Variants in SAMSN1 observed in about 807,000 individuals in gnomAD.
SAMSN1 encodes SAM domain, SH3 domain and nuclear localization signals 1.
In SAMSN1, 31 loss-of-function variants were observed where a neutral mutation model predicts 42.0. That is an observed-to-expected ratio of 0.74 (90% CI 0.55 to 1.00). SAMSN1 has a LOEUF of 1.00. Among genes scored for constraint, SAMSN1 ranks in the 50% least tolerant of loss-of-function variants. SAMSN1 has a pLI of 0.00. For missense variants in SAMSN1, 464 were observed against 439.4 expected (o/e 1.06, Z -0.50); for synonymous variants, 178 against 151.9 (o/e 1.17, Z -1.26).
intron 2 of SAMSN1, among the ~76,000 whole-genome samples, chr21:14,579,101 CA>C (rs772757525): frequency 9.9e-5 from 15 of 152,094 alleles, no homozygotes; most frequent in Admixed American, 4.6e-4. Flanking sequence ...GTGTAGAATA[CA>C]AAAATAATAA....
chr21:14,559,722 T>G (rs1216767330), intron 2 of SAMSN1, among the ~76,000 whole-genome samples: 2 of 151,936 alleles, frequency 1.3e-5, no homozygotes, highest in African/African-American at 4.8e-5. Flanking sequence ...CCCAGACTGG[T>G]CTTGAACTCC....
chr21:14,485,850 G>T lies in SAMSN1; in HGVS notation c.*62C>A. The T allele has an allele frequency of 7.9e-7, 1 of 1,271,596 alleles. No homozygotes were observed. 78.8% of individuals were successfully genotyped at this position (1,271,596 alleles called of 1,614,324 possible). A position where few individuals can be genotyped will look rare whatever the true frequency, so the allele number is the denominator to read the frequency against. On this transcript the variant is annotated 3_prime_UTR_variant, in exon 8 of 8. Transcript: ENST00000400566. ...ATCTTATCTTCCTCTCCTATTTGAC[G>T]TTTTAGCTCAAGAAGAGTTAAAATG...
intron 5 of SAMSN1, among the ~76,000 whole-genome samples, chr21:14,603,792 C>A (rs1422218008): frequency 6.6e-6 from 1 of 152,114 alleles, no homozygotes; most frequent in African/African-American, 2.4e-5. Context: ...ATCAAGAAGG[C>A]AATGGGAATT....
chr21:14,640,905 T>G (rs1983579021), intron 2 of SAMSN1, among the ~76,000 whole-genome samples: 1 of 152,266 alleles, frequency 6.6e-6, no homozygotes, highest in African/African-American at 2.4e-5. Context: ...ATTTAAATCA[T>G]GTTTTTATCA....
intron 6 of SAMSN1, among the ~76,000 whole-genome samples, chr21:14,595,434 A>G (rs1035357536): frequency 2.0e-5 from 3 of 152,084 alleles, no homozygotes; most frequent in African/African-American, 7.2e-5. Context: ...TGTTTTTACA[A>G]ATTACCCAGC....
chr21:14,567,370 G>C (rs1254172031), intron 2 of SAMSN1, among the ~76,000 whole-genome samples: 1 of 149,188 alleles, frequency 6.7e-6, no homozygotes. Flanking sequence ...ATCAAAAAAA[G>C]ATTATGTTAA....
intron 3 of SAMSN1, among the ~76,000 whole-genome samples, chr21:14,512,987 C>T (rs1430631504): frequency 2.0e-5 from 3 of 152,178 alleles, no homozygotes; most frequent in Non-Finnish European, 4.4e-5. Context: ...TTAAACTCTG[C>T]ATAGTTGTTT....
At chr21:14,581,198 GTAGCTAAAAGCAGGAGCTC>G (rs1358799192) in intron 2 of SAMSN1, among the ~76,000 whole-genome samples, 4 of 151,868 alleles carry the variant, frequency 2.6e-5, no homozygotes, top group African/African-American at 9.7e-5. Flanking sequence ...CTCTAATGTA[GTAGCTAAAAGCAGGAGCTC>G]TAGCTAAAAG....
intron 2 of SAMSN1, among the ~76,000 whole-genome samples, chr21:14,634,018 TA>T (rs1983399737): frequency 6.6e-6 from 1 of 152,172 alleles, no homozygotes; most frequent in Non-Finnish European, 1.5e-5. Context: ...AGTAAGTGTA[TA>T]AAAAATTAAA....
intron 2 of SAMSN1, among the ~76,000 whole-genome samples, chr21:14,520,020 T>C (rs1978349402): frequency 1.3e-5 from 2 of 152,238 alleles, no homozygotes; most frequent in Non-Finnish European, 2.9e-5. Flanking sequence ...AGCATATTTC[T>C]GCAATGGCAA....
chr21:14,635,297 T>C (rs182196614), intron 2 of SAMSN1, among the ~76,000 whole-genome samples: 42 of 152,246 alleles, frequency 2.8e-4, no homozygotes, highest in Middle Eastern at 3.4e-3. Flanking sequence ...CATATACCTA[T>C]GTAACAACCC....
At chr21:14,577,048 CTTTTTTT>C (rs991163598) in intron 2 of SAMSN1, among the ~76,000 whole-genome samples, 21 of 54,916 alleles carry the variant, frequency 3.8e-4, no homozygotes, top group Non-Finnish European at 6.7e-4. Flanking sequence ...GCATCCGTTT[CTTTTTTT>C]TTTTTTTTTT....
chr21:14,539,647 TA>T (rs1377173438), intron 1 of SAMSN1, among the ~76,000 whole-genome samples: 2 of 151,774 alleles, frequency 1.3e-5, no homozygotes, highest in African/African-American at 4.8e-5. Context: ...TAAAAGAAGA[TA>T]CAAACAAATG....
chr21:14,545,162 A>G (rs530966825), intron 1 of SAMSN1, among the ~76,000 whole-genome samples: 20 of 152,290 alleles, frequency 1.3e-4, no homozygotes, highest in African/African-American at 3.8e-4. Flanking sequence ...TCAGTTTCCA[A>G]AGATAAGAAA....
intron 2 of SAMSN1, among the ~76,000 whole-genome samples, chr21:14,520,864 G>T (rs1978414676): frequency 6.6e-6 from 1 of 151,916 alleles, no homozygotes; most frequent in South Asian, 2.1e-4. Flanking sequence ...CTCTTGCTTT[G>T]TTGAGAGTTC....
At chr21:14,573,503 G>C (rs1040341) in intron 2 of SAMSN1, among the ~76,000 whole-genome samples, 61,578 of 151,804 alleles carry the variant, frequency 0.41, 13,417 homozygotes, top group East Asian at 0.75. Context: ...AAGGAGATGG[G>C]ATAGAGGAAG....
At chr21:14,540,272 A>C (rs1979925389) in intron 1 of SAMSN1, among the ~76,000 whole-genome samples, 1 of 152,206 alleles carries the variant, frequency 6.6e-6, no homozygotes, top group South Asian at 2.1e-4. Context: ...CAATGGCAAC[A>C]AAAGCCAAAA....
At chr21:14,510,578 G>T in intron 4 of SAMSN1, 117 bp from the exon 5 acceptor site, 2 of 1,159,222 alleles carry the variant, frequency 1.7e-6, no homozygotes, top group Non-Finnish European at 2.5e-6. Flanking sequence ...TCCTGAGGAA[G>T]TTCTAATTGA....
chr21:14,624,655 AG>A (rs914223309), intron 2 of SAMSN1, among the ~76,000 whole-genome samples: 20 of 152,216 alleles, frequency 1.3e-4, no homozygotes, highest in African/African-American at 4.6e-4. Flanking sequence ...AACCAAAAAA[AG>A]TCCAGGACCA....
Sources: gnomAD v4.1 joint callset for allele counts (sites outside exome capture counted in the v4.1 genomes callset) on GRCh38, gnomAD v4.1.1 for gene constraint, MANE v1.5 for transcripts, NCBI Gene and HGNC (gene_info 2026-07-23, HGNC 2026-07-21) for gene names.